Variants in ZNF420 observed in about 807,000 individuals in gnomAD.
ZNF420 encodes the protein ATM and p53-associated KZNF protein.
In ZNF420, 31 loss-of-function variants were observed where a neutral mutation model predicts 44.7. That is an observed-to-expected ratio of 0.69 (90% CI 0.52 to 0.94). ZNF420 has a LOEUF of 0.94. ZNF420 is among the 40% of genes least tolerant of loss of function. ZNF420 has a pLI of 0.00. For missense variants in ZNF420, 681 were observed against 827.9 expected (o/e 0.82, Z 2.18); for synonymous variants, 245 against 267.4 (o/e 0.92, Z 0.82).
At chr19:37,091,270 T>A in intron 4 of ZNF420, 149 bp downstream of exon 4, 1 of 757,908 alleles carries the variant, frequency 1.3e-6, no homozygotes, top group Non-Finnish European at 2.0e-6. Flanking sequence ...AGACATGGTT[T>A]CTCAGGGCAC....
At position 37,128,027 on chromosome 19, in the gene ZNF420, C is replaced by T. The variant is rs745887052; in HGVS notation, c.1036C>T (p.Arg346Trp). Residue 346 changes from arginine (R) to tryptophan (W), a missense_variant, in exon 5 of 5, where the codon CGG becomes TGG. Around this residue, in one of 3 missense-constraint regions of ZNF420, gnomAD observed 51 missense variants for 106.8 expected, o/e 0.48. Coordinates refer to ENST00000337995, the MANE Select transcript of ZNF420 (RefSeq NM_144689.5). ...TAAGGAATGTGGAAGGGCCTTTATT[C>T]GGGGCTCACTACTGATGCAACATCA... is the stretch of plus-strand genomic sequence containing the variant. ...ECKECGRAFIRGSLLMQHQRI... is the reference protein window; with the variant it reads ...ECKECGRAFIWGSLLMQHQRI... 11 of 1,613,550 alleles carry T rather than the reference C, an allele frequency of 6.8e-6. No individual in the cohort carries two copies. Among genetic ancestry groups the T allele is most frequent in the African/African-American group, 1.3e-5 (1 of 74,798 alleles).
chr19:37,084,010 CTTAA>C (rs1968619950), intron 2 of ZNF420, among the ~76,000 whole-genome samples: 1 of 151,992 alleles, frequency 6.6e-6, no homozygotes, highest in African/African-American at 2.4e-5. Context: ...CTGAAAAAAT[CTTAA>C]TTCGTAATGA....
chr19:37,121,804 G>A (rs1482356775), intron 4 of ZNF420, among the ~76,000 whole-genome samples: 2 of 152,160 alleles, frequency 1.3e-5, no homozygotes, highest in Non-Finnish European at 2.9e-5. Flanking sequence ...AAAAGTGGGT[G>A]AAGGATATGA....
intron 1 of ZNF420, among the ~76,000 whole-genome samples, chr19:37,053,247 C>G (rs1252087574): frequency 6.6e-6 from 1 of 152,176 alleles, no homozygotes; most frequent in Non-Finnish European, 1.5e-5. Flanking sequence ...ATTGGTTATT[C>G]TAGTTATCCA....
At chr19:37,030,566 T>C (rs1195237878) in intron 1 of ZNF420, among the ~76,000 whole-genome samples, 1 of 152,272 alleles carries the variant, frequency 6.6e-6, no homozygotes, top group African/African-American at 2.4e-5. Context: ...TATAATGCCC[T>C]CCAGGCTCAT....
At chr19:37,074,960 G>T (rs1968121337), upstream of ZNF420, among the ~76,000 whole-genome samples, 2 of 152,292 alleles carry the variant, frequency 1.3e-5, no homozygotes, top group Admixed American at 1.3e-4. Flanking sequence ...GAGTGCCTCA[G>T]ATACTTTTTT....
intron 1 of ZNF420, among the ~76,000 whole-genome samples, chr19:37,033,850 A>G (rs1411989435): frequency 6.6e-6 from 1 of 152,098 alleles, no homozygotes; most frequent in Non-Finnish European, 1.5e-5. Flanking sequence ...TCCGCCTCCC[A>G]GGTTCAAGCG....
chr19:37,060,150 G>T (rs1004269914), intron 1 of ZNF420, among the ~76,000 whole-genome samples: 1 of 152,108 alleles, frequency 6.6e-6, no homozygotes, highest in Non-Finnish European at 1.5e-5. Flanking sequence ...ATCCTGAGTG[G>T]TCTATTCTCT....
intron 4 of ZNF420, among the ~76,000 whole-genome samples, chr19:37,110,645 A>G (rs1210555727): frequency 1.3e-5 from 2 of 152,216 alleles, no homozygotes; most frequent in Non-Finnish European, 2.9e-5. Flanking sequence ...CCTGTACTAC[A>G]TATGCAGAAT....
chr19:37,115,318 G>A (rs886698097), intron 4 of ZNF420, among the ~76,000 whole-genome samples: 3 of 152,174 alleles, frequency 2.0e-5, no homozygotes, highest in East Asian at 1.9e-4. Flanking sequence ...CCAGGGGACC[G>A]GCGCTCACCA....
intron 1 of ZNF420, among the ~76,000 whole-genome samples, chr19:37,052,248 T>C (rs1395687782): frequency 6.6e-6 from 1 of 152,170 alleles, no homozygotes; most frequent in Non-Finnish European, 1.5e-5. Context: ...TTTGAGCCTA[T>C]GTGTGTCTCT....
chr19:37,028,561 G>A (rs1967193251), intron 1 of ZNF420, among the ~76,000 whole-genome samples: 1 of 152,084 alleles, frequency 6.6e-6, no homozygotes, highest in African/African-American at 2.4e-5. Context: ...TCTCATTATG[G>A]ACTTTCAGTG....
At chr19:37,008,646 G>A (rs912215328) in intron 1 of ZNF420, among the ~76,000 whole-genome samples, 2 of 152,154 alleles carry the variant, frequency 1.3e-5, no homozygotes, top group Non-Finnish European at 1.5e-5. Flanking sequence ...AGAAGAAGCC[G>A]GGAACAGGAC....
At chr19:37,008,006 G>T in exon 1 of ZNF420, 1 of 202,462 alleles carries the variant, frequency 4.9e-6, no homozygotes, top group South Asian at 7.3e-5. Context: ...GGGCAGAGCA[G>T]GATGAAGAAA....
intron 1 of ZNF420, among the ~76,000 whole-genome samples, chr19:37,063,206 C>A (rs1967907003): frequency 6.6e-6 from 1 of 152,124 alleles, no homozygotes; most frequent in Admixed American, 6.6e-5. Context: ...TGCTACATCA[C>A]CCCTGAAACA....
intron 2 of ZNF420, among the ~76,000 whole-genome samples, chr19:37,087,117 C>T (rs1968833830): frequency 6.6e-6 from 1 of 151,250 alleles, no homozygotes; most frequent in South Asian, 2.1e-4. Flanking sequence ...AAACCTCATC[C>T]CAACAAAAAA....
chr19:37,087,295 AAATAAAT>A (rs1568446900), intron 2 of ZNF420, among the ~76,000 whole-genome samples: 1,390 of 65,298 alleles, frequency 0.021, 30 homozygotes, highest in African/African-American at 0.074. Context: ...AAAAAAAAAT[AAATAAAT>A]AAATAAATAA....
intron 1 of ZNF420, among the ~76,000 whole-genome samples, chr19:37,034,495 A>T (rs900903998): frequency 3.3e-5 from 5 of 152,180 alleles, no homozygotes; most frequent in Non-Finnish European, 7.3e-5. Flanking sequence ...ATTTTGATGA[A>T]GTCCAATTTG....
At chr19:37,020,287 A>T (rs548275183) in intron 1 of ZNF420, among the ~76,000 whole-genome samples, 1 of 152,172 alleles carries the variant, frequency 6.6e-6, no homozygotes, top group South Asian at 2.1e-4. Context: ...AACACAACAT[A>T]ATGGCTAATG....
Sources: gnomAD v4.1 joint callset for allele counts (sites outside exome capture counted in the v4.1 genomes callset) on GRCh38, gnomAD v4.1.1 for gene constraint, gnomAD v4.1.1 regional missense constraint, MANE v1.5 for transcripts, NCBI Gene and HGNC (gene_info 2026-07-23, HGNC 2026-07-21) for gene names.